Variants in CFAP99 observed in about 807,000 individuals in gnomAD.
The protein encoded by CFAP99 is cilia and flagella associated protein 99.
CFAP99 carries 84 observed loss-of-function variants against 82.7 expected under a neutral mutation model. The ratio of observed to expected loss-of-function variants is 1.02; its 90% CI spans 0.85 to 1.22. The LOEUF (loss-of-function observed/expected upper bound fraction) is 1.22. CFAP99 is among the 50% of genes most tolerant of loss of function. CFAP99 has a pLI of 0.00. For synonymous variants in CFAP99, 456 were observed against 429.5 expected (o/e 1.06, Z -0.76); for missense variants, 1,059 against 983.5 (o/e 1.08, Z -1.03).
chr4:2,447,929 GTGGATGGATGGATGGATGGATGGA>G lies in CFAP99; in HGVS notation c.643-1713_643-1690del, dbSNP rs58535148. On this transcript the variant is annotated intron_variant, in intron 6 of 14. Coordinates refer to ENST00000635017, the Ensembl canonical transcript of CFAP99. ...AATGAGTGGGTGAATGAATGGATGG[GTGGATGGATGGATGGATGGATGGA>G]TGGATGGATGGATGGATGGATGGAT... 3.7e-3 allele frequency among the ~76,000 whole-genome samples: 516 copies of G among 139,858 alleles called. 6 individuals carry two copies. The highest frequency in any genetic ancestry group is 0.014 in the African/African-American group (498 of 36,422). 91.8% of individuals were successfully genotyped at this position (139,858 alleles called of 152,430 possible).
chr4:2,454,594 G>GTTTTTTTTTTTTTTTTTTTTTTTTTT (rs1204498727), intron 11 of CFAP99, among the ~76,000 whole-genome samples: 10 of 84,534 alleles, frequency 1.2e-4, no homozygotes, highest in Admixed American at 2.7e-4. Flanking sequence ...TTTTTTTTTT[G>GTTTTTTTTTTTTTTTTTTTTTTTTTT]TTTTTTTTTT....
intron 4 of CFAP99, among the ~76,000 whole-genome samples, chr4:2,441,579 C>A (rs548819272): frequency 6.6e-6 from 1 of 152,236 alleles, no homozygotes; most frequent in African/African-American, 2.4e-5. Flanking sequence ...GGGTGGTGCC[C>A]CCAACACTGG....
chr4:2,454,775 CCAT>C (rs1408314893), intron 11 of CFAP99, among the ~76,000 whole-genome samples: 1 of 151,456 alleles, frequency 6.6e-6, no homozygotes, highest in African/African-American at 2.4e-5. Flanking sequence ...ATGCACACCA[CCAT>C]GTCTGGATAA....
In CFAP99 at chr4:2,458,682, G is replaced by A. The variant is rs535158782; in HGVS notation, c.1162-41G>A. 15 of 1,512,382 alleles carry A rather than the reference G, an allele frequency of 9.9e-6. No individual in the cohort carries two copies. In the East Asian group the frequency reaches 3.4e-4, roughly 35 times the overall value. 93.7% of individuals were successfully genotyped at this position (1,512,382 alleles called of 1,614,324 possible). The stretch of plus-strand genomic sequence containing the variant: ...GGGGCGGGACCAGGCAGGGAAGCCG[G>A]AGCAGCCCCACTCACCGTGGCAGGT... On this transcript the variant is annotated intron_variant, in intron 11 of 14. Coordinates refer to ENST00000635017, the Ensembl canonical transcript of CFAP99.
Position 2,446,799 on chromosome 4 carries a change from AGATGGATGGGTGGATGAATGGATGGATG to A in CFAP99, c.642+1501_642+1528del, listed in dbSNP as rs1734175449. Among the ~76,000 whole-genome samples, 1 of 148,326 alleles carries A rather than the reference AGATGGATGGGTGGATGAATGGATGGATG, an allele frequency of 6.7e-6. No homozygotes were observed. Among genetic ancestry groups the A allele is most frequent in the Non-Finnish European group, 1.5e-5 (1 of 67,264 alleles). ...GTGGATGGATTATCAGATGGATGGT[AGATGGATGGGTGGATGAATGGATGGATG>A]GATGGATGGATGATTGGATTGGTGA... On this transcript the variant is annotated intron_variant, in intron 6 of 14. Coordinates refer to ENST00000635017, the Ensembl canonical transcript of CFAP99. This position sits in a 1 kb window ranked among gnomAD's most constrained non-coding sequence, Gnocchi z 5.0.
At chr4:2,453,211 C>T (rs1734343018) in intron 11 of CFAP99, among the ~76,000 whole-genome samples, 2 of 152,138 alleles carry the variant, frequency 1.3e-5, no homozygotes, top group Non-Finnish European at 2.9e-5. Flanking sequence ...TTACCTTTCC[C>T]GTCTTTCGAA....
chr4:2,436,931 T>A (rs1176510165), exon 3 of CFAP99: 2 of 1,536,016 alleles, frequency 1.3e-6, no homozygotes, highest in Non-Finnish European at 1.7e-6. Context: ...GTGCCTCGAG[T>A]ACCGGAAGCT....
At chr4:2,433,810 G>A (rs368657553) in intron 2 of CFAP99, among the ~76,000 whole-genome samples, 2 of 152,250 alleles carry the variant, frequency 1.3e-5, no homozygotes, top group African/African-American at 4.8e-5. Flanking sequence ...GAGTTCTCAG[G>A]CAGAGGGAAA....
chr4:2,442,812 C>A (rs550780822), intron 4 of CFAP99, among the ~76,000 whole-genome samples: 1 of 152,192 alleles, frequency 6.6e-6, no homozygotes, highest in African/African-American at 2.4e-5. Flanking sequence ...GCCTCCAGCA[C>A]CAGCATCAGA....
At chr4:2,444,107 G>A (rs956054858) in intron 5 of CFAP99, among the ~76,000 whole-genome samples, 1 of 152,150 alleles carries the variant, frequency 6.6e-6, no homozygotes, top group African/African-American at 2.4e-5. Flanking sequence ...CCTTTACCAA[G>A]GGGAAGTCCC....
chr4:2,430,031 G>T (rs1393926597), intron 2 of CFAP99, among the ~76,000 whole-genome samples: 2 of 152,258 alleles, frequency 1.3e-5, no homozygotes, highest in African/African-American at 2.4e-5. Flanking sequence ...CAAGGCTCAA[G>T]AGTGCCACTT....
At chr4:2,429,722 GCTGGGA>G (rs1357606916) in intron 2 of CFAP99, among the ~76,000 whole-genome samples, 1 of 152,016 alleles carries the variant, frequency 6.6e-6, no homozygotes, top group Non-Finnish European at 1.5e-5. Context: ...CTCCCGAGTA[GCTGGGA>G]CTACAGGCGC....
chr4:2,436,092 A>T (rs2108718428), intron 2 of CFAP99, among the ~76,000 whole-genome samples: 1 of 149,236 alleles, frequency 6.7e-6, no homozygotes, highest in East Asian at 2.0e-4. Context: ...AAAAAAAAAA[A>T]AAATCTATAT....
intron 11 of CFAP99, among the ~76,000 whole-genome samples, chr4:2,455,245 G>A (rs930755171): frequency 2.0e-5 from 3 of 152,250 alleles, no homozygotes; most frequent in Non-Finnish European, 4.4e-5. Context: ...ATAATAGATT[G>A]TTGCAGATTG....
At chr4:2,434,564 G>T (rs1419633742) in intron 2 of CFAP99, among the ~76,000 whole-genome samples, 2 of 152,238 alleles carry the variant, frequency 1.3e-5, no homozygotes, top group African/African-American at 2.4e-5. Flanking sequence ...TGCAAGGGCT[G>T]GAGGAACTCA....
chr4:2,443,779 C>T (rs976070275), intron 5 of CFAP99, among the ~76,000 whole-genome samples: 6 of 152,186 alleles, frequency 3.9e-5, no homozygotes, highest in Non-Finnish European at 7.4e-5. Flanking sequence ...CCCTTGCTGC[C>T]TTCTCCTGCC....
rs1008678961 is a variant in CFAP99, at chr4:2,458,711, C to T, written c.1162-12C>T. ...AGCCCCACTCACCGTGGCAGGTCCGCTGTCTGGGCAGATGGCCAAGCTGAT... is the reference window on the plus strand; with the variant it reads ...AGCCCCACTCACCGTGGCAGGTCCGTTGTCTGGGCAGATGGCCAAGCTGAT... On this transcript the variant is annotated splice_polypyrimidine_tract_variant and intron_variant, in intron 11 of 14. Transcript: ENST00000635017. The T allele has an allele frequency of 1.7e-5, 26 of 1,529,310 alleles. No homozygotes were observed. In the Admixed American group the frequency reaches 5.1e-4, roughly 30 times the overall value. The allele number at this position is 1,529,310 out of a possible 1,614,324, so 94.7% of individuals were successfully genotyped here. A position where few individuals can be genotyped will look rare whatever the true frequency, so the allele number is the denominator to read the frequency against.
chr4:2,457,953 G>A (rs1238930001), intron 11 of CFAP99, among the ~76,000 whole-genome samples: 1 of 152,218 alleles, frequency 6.6e-6, no homozygotes, highest in East Asian at 1.9e-4. Flanking sequence ...GAGCTGCCAG[G>A]GTGGCAGAGG....
At chr4:2,445,368 A>G in intron 6 of CFAP99, 60 bp downstream of exon 6, 4 of 1,268,240 alleles carry the variant, frequency 3.2e-6, no homozygotes, top group Non-Finnish European at 4.0e-6. Context: ...CCAAGCTGGG[A>G]GAGTGGACTG....
Sources: gnomAD v4.1 joint callset for allele counts (sites outside exome capture counted in the v4.1 genomes callset) on GRCh38, gnomAD v4.1.1 for gene constraint, Gnocchi (gnomAD v3.1) non-coding constraint, MANE v1.5 for transcripts, NCBI Gene and HGNC (gene_info 2026-07-23, HGNC 2026-07-21) for gene names.